The following CDK8 variants were observed in gnomAD, a reference collection of about 807,000 sequenced individuals.
CDK8 encodes the protein cyclin dependent kinase 8.
In CDK8, 29 loss-of-function variants were observed where a neutral mutation model predicts 71.5. The observed-to-expected ratio is 0.41, with a 90% CI of 0.30 to 0.55. CDK8 has a LOEUF of 0.55. Among genes scored for constraint, CDK8 ranks in the 20% least tolerant of loss-of-function variants. CDK8 has a pLI of 0.37. For synonymous variants in CDK8, 161 were observed against 192.1 expected (o/e 0.84, Z 1.34); for missense variants, 288 against 572.6 (o/e 0.50, Z 5.07).
chr13:26,362,468 G>A (rs978800101), intron 4 of CDK8, among the ~76,000 whole-genome samples: 2 of 152,138 alleles, frequency 1.3e-5, no homozygotes, highest in African/African-American at 4.8e-5. Context: ...GAGAAGCTGG[G>A]GAGCTACTGT....
At chr13:26,355,110 C>CT (rs1449208304) in intron 4 of CDK8, among the ~76,000 whole-genome samples, 3 of 152,198 alleles carry the variant, frequency 2.0e-5, no homozygotes, top group Non-Finnish European at 4.4e-5. Context: ...AGTCTCTGGC[C>CT]TTCAATGTGC....
chr13:26,355,626 G>GAAAACAAA (rs1320175261), intron 4 of CDK8, among the ~76,000 whole-genome samples: 1 of 152,050 alleles, frequency 6.6e-6, no homozygotes, highest in East Asian at 1.9e-4. Flanking sequence ...AAAAATAAAA[G>GAAAACAAA]AAAACAAAAA....
intron 6 of CDK8, among the ~76,000 whole-genome samples, chr13:26,387,470 TGCCAGAAGGCGCAGGTCTTTCCTCTGAA>T (rs1052962068): frequency 3.9e-5 from 6 of 152,218 alleles, no homozygotes; most frequent in Admixed American, 3.9e-4. Flanking sequence ...AACCTCTAAA[TGCCAGAAGGCGCAGGTCTTTCCTCTGAA>T]GCCAAAGTCT....
intron 1 of CDK8, among the ~76,000 whole-genome samples, chr13:26,295,442 T>G (rs921364148): frequency 1.6e-4 from 24 of 152,182 alleles, no homozygotes; most frequent in Non-Finnish European, 3.1e-4. Flanking sequence ...ATGAGGCTTT[T>G]GGGTTTGGTT....
At chr13:26,390,283 G>T (rs1236743896) in intron 6 of CDK8, among the ~76,000 whole-genome samples, 1 of 152,110 alleles carries the variant, frequency 6.6e-6, no homozygotes, top group Non-Finnish European at 1.5e-5. Context: ...TAATGAAGGG[G>T]TTACATCTGT....
intron 4 of CDK8, among the ~76,000 whole-genome samples, chr13:26,376,721 A>G (rs1329574989): frequency 1.3e-5 from 2 of 152,238 alleles, no homozygotes; most frequent in South Asian, 2.1e-4. Flanking sequence ...CTAGTGTGCT[A>G]TGCCTCAGTT....
At chr13:26,357,556 T>C (rs1565984413) in intron 4 of CDK8, among the ~76,000 whole-genome samples, 1 of 152,170 alleles carries the variant, frequency 6.6e-6, no homozygotes, top group Non-Finnish European at 1.5e-5. Context: ...GAAGGGAAAA[T>C]AGTTTGACTA....
At chr13:26,290,424 G>C (rs983598183) in intron 1 of CDK8, among the ~76,000 whole-genome samples, 1 of 152,170 alleles carries the variant, frequency 6.6e-6, no homozygotes, top group South Asian at 2.1e-4. Flanking sequence ...TTGTAATAGA[G>C]TGAAACTCAC....
intron 9 of CDK8, 135 bp from the exon 10 acceptor site, chr13:26,400,315 TTTG>T: frequency 1.6e-6 from 1 of 638,848 alleles, no homozygotes; most frequent in Non-Finnish European, 2.8e-6. Context: ...AACTAGGAGT[TTTG>T]TTGTTAATTT....
At chr13:26,340,700 A>T (rs569347209) in intron 2 of CDK8, among the ~76,000 whole-genome samples, 1 of 152,258 alleles carries the variant, frequency 6.6e-6, no homozygotes, top group Non-Finnish European at 1.5e-5. Context: ...TCTTTAATAT[A>T]ACACTCATTA....
Position 26,309,569 on chromosome 13 carries a change from C to G in CDK8, c.129-27998C>G, listed in dbSNP as rs150043943. Among the ~76,000 whole-genome samples, 31 of 152,222 alleles carry G rather than the reference C, an allele frequency of 2.0e-4. No homozygotes were observed. The East Asian group carries it at 4.8e-3, about 24-fold the overall frequency. The stretch of plus-strand genomic sequence containing the variant: ...CATTCTTCTATGAGAATTCCTTCTT[C>G]TACCACAAAGTTCCTCATAGCTGGA... On this transcript the variant is annotated intron_variant, in intron 1 of 12. Coordinates refer to ENST00000381527, the MANE Select transcript of CDK8 (RefSeq NM_001260.3).
At chr13:26,274,961 T>C (rs978883664) in intron 1 of CDK8, among the ~76,000 whole-genome samples, 4 of 152,364 alleles carry the variant, frequency 2.6e-5, no homozygotes, top group African/African-American at 9.6e-5. Flanking sequence ...TAAAATTTTA[T>C]TTAATCTTAA....
chr13:26,397,721 C>T (rs920125938), intron 9 of CDK8, among the ~76,000 whole-genome samples: 2 of 151,992 alleles, frequency 1.3e-5, no homozygotes, highest in East Asian at 3.8e-4. Context: ...GTGATAGATG[C>T]CATATTTATC....
chr13:26,351,895 G>A (rs1020165798), intron 3 of CDK8, among the ~76,000 whole-genome samples: 7 of 152,072 alleles, frequency 4.6e-5, no homozygotes, highest in Admixed American at 2.6e-4. Flanking sequence ...TCACTTAGGC[G>A]TTGGTGAGAT....
At chr13:26,391,907 A>G (rs117833006) in intron 6 of CDK8, among the ~76,000 whole-genome samples, 2,123 of 152,292 alleles carry the variant, frequency 0.014, 14 homozygotes, top group South Asian at 0.022. Context: ...TCTCTATTCC[A>G]GTTTTGGAAT....
chr13:26,314,237 A>G (rs1874410653), intron 1 of CDK8, among the ~76,000 whole-genome samples: 1 of 152,188 alleles, frequency 6.6e-6, no homozygotes, highest in Non-Finnish European at 1.5e-5. Flanking sequence ...TTTTGGTGAT[A>G]AGTCTTACGA....
chr13:26,352,773 G>T (rs983259123), intron 3 of CDK8, among the ~76,000 whole-genome samples: 8 of 152,192 alleles, frequency 5.3e-5, no homozygotes, highest in Admixed American at 1.3e-4. Context: ...GGAGAGTAAA[G>T]CTCCTTTATT....
intron 1 of CDK8, among the ~76,000 whole-genome samples, chr13:26,329,404 A>G (rs897418346): frequency 3.4e-5 from 5 of 148,568 alleles, no homozygotes; most frequent in African/African-American, 1.2e-4. Context: ...CTTATTTTGG[A>G]CACTCTACAT....
chr13:26,348,949 G>A (rs949770222), intron 2 of CDK8, 123 bp from the exon 3 acceptor site: 27 of 701,284 alleles, frequency 3.9e-5, no homozygotes, highest in Non-Finnish European at 6.4e-5. Flanking sequence ...TTGTGTGGGT[G>A]CTTATTAGAT....
Sources: gnomAD v4.1 joint callset for allele counts (sites outside exome capture counted in the v4.1 genomes callset) on GRCh38, gnomAD v4.1.1 for gene constraint, MANE v1.5 for transcripts, NCBI Gene and HGNC (gene_info 2026-07-23, HGNC 2026-07-21) for gene names.